The following SPATA16 variants were observed in gnomAD, a reference collection of about 807,000 sequenced individuals.
The protein encoded by SPATA16 is spermatogenesis associated 16.
A neutral mutation model predicts 63.3 loss-of-function variants in SPATA16; 36 were observed. That is an observed-to-expected ratio of 0.57 (90% confidence interval 0.44 to 0.75). The LOEUF is 0.75. Among genes scored for constraint, SPATA16 ranks in the 30% least tolerant of loss-of-function variants. The probability of loss-of-function intolerance (pLI) is 0.00; values close to 1 mark genes in which losing one functional copy is unlikely to be tolerated. For missense variants in SPATA16, 646 were observed against 679.3 expected, an observed-to-expected ratio of 0.95 and a Z score of 0.54; for synonymous variants, 203 against 216.7, an observed-to-expected ratio of 0.94 and a Z score of 0.56.
chr3:173,058,246 T>C (rs1261374057), intron 2 of SPATA16, among the ~76,000 whole-genome samples: 1 of 152,156 alleles, frequency 6.6e-6, no homozygotes, highest in Non-Finnish European at 1.5e-5. Context: ...AGTGGCTGCA[T>C]AATTTTATTA....
At chr3:173,019,351 C>T (rs500542) in intron 4 of SPATA16, 135 bp downstream of exon 4, 112,708 of 823,408 alleles carry the variant, frequency 0.14, 8,285 homozygotes, top group African/African-American at 0.2. Flanking sequence ...GCTGGTTTGA[C>T]GTTGATAGAC....
chr3:172,988,813 T>C (rs1457956231), intron 4 of SPATA16, among the ~76,000 whole-genome samples: 1 of 152,130 alleles, frequency 6.6e-6, no homozygotes, highest in African/African-American at 2.4e-5. Context: ...ATTTTCTGTA[T>C]TTTTAGTAGA....
intron 6 of SPATA16, among the ~76,000 whole-genome samples, chr3:172,953,386 A>G (rs1425716602): frequency 6.6e-6 from 1 of 152,182 alleles, no homozygotes. Flanking sequence ...GGCTACGACA[A>G]CTTCTAGTCT....
In SPATA16 at chr3:173,052,076, G is replaced by A. The variant is rs993096978; in HGVS notation, c.613-2982C>T. Among the ~76,000 whole-genome samples the A allele has an allele frequency of 3.3e-5, 5 of 152,126 alleles. No homozygotes were observed. In the East Asian group the frequency reaches 5.8e-4, roughly 18 times the overall value. On this transcript the variant is annotated intron_variant, in intron 2 of 10. Transcript: ENST00000351008. Reference sequence around the variant, plus strand: ...TCCACTCGCCTAGGTCTCCCAAAGCGCTGGGATTACAGGCGTGAGCCACCG... The same window carrying A: ...TCCACTCGCCTAGGTCTCCCAAAGCACTGGGATTACAGGCGTGAGCCACCG...
At chr3:172,891,707 C>T (rs192223543) in intron 10 of SPATA16, among the ~76,000 whole-genome samples, 96 of 152,268 alleles carry the variant, frequency 6.3e-4, no homozygotes, top group African/African-American at 2.0e-3. Flanking sequence ...GGACATCTCT[C>T]AATTATCTGA....
At chr3:173,104,769 C>T (rs1450059606) in intron 2 of SPATA16, among the ~76,000 whole-genome samples, 3 of 152,144 alleles carry the variant, frequency 2.0e-5, no homozygotes, top group Admixed American at 6.5e-5. Context: ...TCCTTTTAAA[C>T]ATTCTTAGAG....
intron 1 of SPATA16, among the ~76,000 whole-genome samples, chr3:173,120,378 A>C (rs1268841130): frequency 2.0e-5 from 3 of 152,076 alleles, no homozygotes; most frequent in Non-Finnish European, 2.9e-5. Context: ...AGCTCAAAAT[A>C]CCTGATTTTA....
intron 4 of SPATA16, among the ~76,000 whole-genome samples, chr3:172,980,502 CA>C (rs1161163726): frequency 6.6e-6 from 1 of 152,132 alleles, no homozygotes; most frequent in Non-Finnish European, 1.5e-5. Context: ...TCATGTTAGG[CA>C]AACCCTTTTA....
At chr3:173,059,773 C>A (rs1736330863) in intron 2 of SPATA16, among the ~76,000 whole-genome samples, 2 of 132,860 alleles carry the variant, frequency 1.5e-5, no homozygotes, top group African/African-American at 5.6e-5. Context: ...TTATGCATTT[C>A]TTTTCCCATC....
At chr3:172,912,755 A>G (rs1484030039) in intron 10 of SPATA16, among the ~76,000 whole-genome samples, 1 of 152,234 alleles carries the variant, frequency 6.6e-6, no homozygotes, top group East Asian at 1.9e-4. Flanking sequence ...TTATGTTACC[A>G]TAAGGCTTTC....
intron 2 of SPATA16, among the ~76,000 whole-genome samples, chr3:173,051,146 T>C (rs1376372299): frequency 2.0e-5 from 3 of 152,184 alleles, no homozygotes; most frequent in African/African-American, 7.2e-5. Flanking sequence ...GTAGTAATTA[T>C]GTAGTTTTAT....
intron 2 of SPATA16, among the ~76,000 whole-genome samples, chr3:173,111,283 G>A (rs565932646): frequency 3.3e-5 from 5 of 152,140 alleles, no homozygotes; most frequent in South Asian, 4.1e-4. Context: ...GGTGGCATGC[G>A]CCTGTAATCC....
At chr3:173,063,166 AT>A (rs1418821853) in intron 2 of SPATA16, among the ~76,000 whole-genome samples, 2 of 152,248 alleles carry the variant, frequency 1.3e-5, no homozygotes, top group African/African-American at 4.8e-5. Context: ...CTATATCTAT[AT>A]ATCACTAGAG....
chr3:172,910,349 T>C (rs1341354226), intron 10 of SPATA16, among the ~76,000 whole-genome samples: 3 of 152,040 alleles, frequency 2.0e-5, no homozygotes, highest in Non-Finnish European at 4.4e-5. Flanking sequence ...GCCTTGGCCT[T>C]CCAAAGTGCT....
chr3:172,958,978 A>G (rs991309598), intron 5 of SPATA16, among the ~76,000 whole-genome samples: 3 of 152,144 alleles, frequency 2.0e-5, no homozygotes, highest in Non-Finnish European at 4.4e-5. Flanking sequence ...CAACAGATGA[A>G]TTTTGGAGAG....
chr3:172,907,902 T>C (rs1346117398), intron 10 of SPATA16, among the ~76,000 whole-genome samples: 1 of 152,172 alleles, frequency 6.6e-6, no homozygotes, highest in Non-Finnish European at 1.5e-5. Flanking sequence ...ACATGTGCTA[T>C]TTTCTTTACT....
chr3:173,057,055 C>G (rs73044941), intron 2 of SPATA16, among the ~76,000 whole-genome samples: 1 of 150,912 alleles, frequency 6.6e-6, no homozygotes, highest in African/African-American at 2.4e-5. Context: ...AAGTTTTCTT[C>G]GGTTACATCT....
chr3:172,911,418 A>G (rs1017748147), intron 10 of SPATA16, among the ~76,000 whole-genome samples: 4 of 151,974 alleles, frequency 2.6e-5, no homozygotes, highest in African/African-American at 9.7e-5. Flanking sequence ...TGGCCATTCC[A>G]ACTTCTCTTT....
chr3:172,916,316 C>A lies in SPATA16; in HGVS notation c.1503+1G>T, dbSNP rs375865365. ...ACCCTTAAACAAAGAAAAATACTTA[C>A]CAATTCTGCCTCCTGTTGACTGATG... On this transcript the variant is annotated splice_donor_variant, in intron 9 of 10. Transcript: ENST00000351008. LOFTEE classifies it high-confidence loss of function. 3 of 1,611,890 alleles carry A rather than the reference C, an allele frequency of 1.9e-6. No homozygotes were observed. Among genetic ancestry groups the A allele is most frequent in the Non-Finnish European group, 2.5e-6 (3 of 1,178,830 alleles).
Sources: allele counts gnomAD v4.1 joint callset (sites outside exome capture counted in the v4.1 genomes callset), GRCh38; gene constraint gnomAD v4.1.1; transcripts MANE v1.5; gene names NCBI Gene and HGNC (gene_info 2026-07-23, HGNC 2026-07-21).